CYTH3: variants seen among roughly 807,000 people sequenced by gnomAD.
CYTH3 encodes cytohesin-3.
In CYTH3, 23 loss-of-function variants were observed where a neutral mutation model predicts 55.1. The observed-to-expected ratio is 0.42, with a 90% CI of 0.30 to 0.59. The LOEUF (loss-of-function observed/expected upper bound fraction) is 0.59. Ranked by LOEUF, CYTH3 falls within the 20% of genes least tolerant of loss-of-function variation. CYTH3 has a pLI of 0.20. For missense variants in CYTH3, 413 were observed against 524.8 expected (o/e 0.79, Z 2.08); for synonymous variants, 249 against 194.9 (o/e 1.28, Z -2.31).
chr7:6,188,348 CAAAA>C (rs968809069), intron 2 of CYTH3, among the ~76,000 whole-genome samples: 4 of 140,828 alleles, frequency 2.8e-5, no homozygotes, highest in African/African-American at 1.1e-4. Context: ...TTAAAAAAAA[CAAAA>C]AAACAAAAAA....
At chr7:6,202,074 T>C (rs1006247874) in intron 1 of CYTH3, among the ~76,000 whole-genome samples, 1 of 152,228 alleles carries the variant, frequency 6.6e-6, no homozygotes, top group South Asian at 2.1e-4. Context: ...TATTTCCCAG[T>C]GTTTTCTCTG....
At position 6,171,561 on chromosome 7, in the gene CYTH3, G is replaced by A. The variant is rs755144021; in HGVS notation, c.450-247C>T. ...CTACAACCAATTCAGCAGCGAGGCC[G>A]GTTGTCTCTGCCTAAAAAGTAAATA... On this transcript the variant is annotated intron_variant, in intron 6 of 12. Coordinates refer to ENST00000350796, the MANE Select transcript of CYTH3 (RefSeq NM_004227.4). The surrounding 1 kb of genome is among the most constrained non-coding windows in gnomAD (Gnocchi z 6.7). Among the ~76,000 whole-genome samples, 13 of 152,130 alleles carry A rather than the reference G, an allele frequency of 8.5e-5. No homozygotes were observed. Among genetic ancestry groups the A allele is most frequent in the East Asian group, 1.9e-4 (1 of 5,190 alleles).
chr7:6,166,722 G>A (rs1002494510), intron 9 of CYTH3, among the ~76,000 whole-genome samples: 2 of 152,176 alleles, frequency 1.3e-5, no homozygotes, highest in East Asian at 1.9e-4. Flanking sequence ...CTGGCTCAGC[G>A]GAACTGGAGG....
intron 1 of CYTH3, among the ~76,000 whole-genome samples, chr7:6,271,540 G>T (rs1486102371): frequency 6.6e-6 from 1 of 151,736 alleles, no homozygotes; most frequent in African/African-American, 2.4e-5. Flanking sequence ...TAAAAACACG[G>T]GCATTAACCC....
intron 5 of CYTH3, among the ~76,000 whole-genome samples, chr7:6,174,617 G>A (rs1042775286): frequency 6.4e-5 from 8 of 125,832 alleles, no homozygotes; most frequent in Middle Eastern, 0.012. Flanking sequence ...GCACATTCTT[G>A]GCCCACTGCA....
chr7:6,254,421 T>C lies in CYTH3; in HGVS notation c.34+18053A>G, dbSNP rs59180903. ...TAGGAGAATGTCCTTAGAAGACGAG[T>C]GCTAAAGTATTTCTTTGAAAAGCGT... is the stretch of plus-strand genomic sequence containing the variant. On this transcript the variant is annotated intron_variant, in intron 1 of 12. Transcript: ENST00000350796. Among the ~76,000 whole-genome samples, 265 of 152,222 alleles carry C rather than the reference T, an allele frequency of 1.7e-3. 2 individuals carry two copies. The highest frequency in any genetic ancestry group is 6.1e-3 in the African/African-American group (253 of 41,524).
At chr7:6,168,149 C>T (rs1783064686) in intron 9 of CYTH3, among the ~76,000 whole-genome samples, 2 of 151,880 alleles carry the variant, frequency 1.3e-5, no homozygotes, top group Non-Finnish European at 2.9e-5. Flanking sequence ...CAGGCAGGCG[C>T]GTACGTGCAC....
chr7:6,182,406 T>G (rs1783527319), intron 4 of CYTH3, among the ~76,000 whole-genome samples: 2 of 152,310 alleles, frequency 1.3e-5, no homozygotes, highest in East Asian at 3.9e-4. Flanking sequence ...TAGAGTGCAG[T>G]GGTGTAATCA....
At chr7:6,231,741 T>C (rs1779395382) in intron 1 of CYTH3, among the ~76,000 whole-genome samples, 1 of 152,204 alleles carries the variant, frequency 6.6e-6, no homozygotes, top group Non-Finnish European at 1.5e-5. Context: ...ATCCTAGATA[T>C]TAACATGATT....
chr7:6,229,991 G>A (rs529289751), intron 1 of CYTH3, among the ~76,000 whole-genome samples: 11 of 152,030 alleles, frequency 7.2e-5, no homozygotes, highest in Middle Eastern at 3.4e-3. Flanking sequence ...AAAGTCAGCC[G>A]GGTGTGGTGG....
intron 1 of CYTH3, among the ~76,000 whole-genome samples, chr7:6,259,505 A>G (rs1780222391): frequency 6.6e-6 from 1 of 151,578 alleles, no homozygotes; most frequent in Admixed American, 6.6e-5. Flanking sequence ...CAATATTTAC[A>G]TAATAGTGAA....
intron 1 of CYTH3, among the ~76,000 whole-genome samples, chr7:6,225,713 CTT>C (rs985050697): frequency 1.3e-5 from 2 of 148,226 alleles, no homozygotes; most frequent in African/African-American, 5.0e-5. Flanking sequence ...GAGTTCCACT[CTT>C]GTCGCCCAGG....
intron 1 of CYTH3, among the ~76,000 whole-genome samples, chr7:6,255,607 C>A (rs1350904737): frequency 1.3e-5 from 2 of 152,038 alleles, no homozygotes. Context: ...GGGTCCAGCA[C>A]CTCATCAAGA....
rs1016217175 is a variant in CYTH3, at chr7:6,272,572, G to A, written c.-65C>T. 5.4e-5 allele frequency: 62 copies of A among 1,150,024 alleles called. No individual in the cohort carries two copies. The African/African-American group carries it at 9.5e-4, about 18-fold the overall frequency. The allele number at this position is 1,150,024 out of a possible 1,614,324, so 71.2% of individuals were successfully genotyped here. A position where few individuals can be genotyped will look rare whatever the true frequency, so the allele number is the denominator to read the frequency against. The stretch of plus-strand genomic sequence containing the variant: ...AGCAGAGGGGCCGCGGGCTGGGGAC[G>A]CCGCCGGAGGGAGCGCGCAGGCGAC... On this transcript the variant is annotated 5_prime_UTR_variant, in exon 1 of 13. Transcript: ENST00000350796.
chr7:6,176,134 T>C (rs2128539651), intron 5 of CYTH3, among the ~76,000 whole-genome samples: 1 of 152,198 alleles, frequency 6.6e-6, no homozygotes, highest in Non-Finnish European at 1.5e-5. Context: ...GGAGTAAAAA[T>C]GTTGCTTTTT....
chr7:6,190,068 AC>A (rs992281527), intron 2 of CYTH3, among the ~76,000 whole-genome samples: 2 of 152,238 alleles, frequency 1.3e-5, no homozygotes, highest in African/African-American at 4.8e-5. Flanking sequence ...AAACAAAAAA[AC>A]ATATTAGTTA....
At chr7:6,271,999 T>C (rs1780672822) in intron 1 of CYTH3, among the ~76,000 whole-genome samples, 1 of 152,176 alleles carries the variant, frequency 6.6e-6, no homozygotes, top group African/African-American at 2.4e-5. Flanking sequence ...TCCCGTCCTG[T>C]ACACTCGAGG....
Position 6,177,884 on chromosome 7 carries a change from G to T in CYTH3, c.307C>A (p.Gln103Lys), listed in dbSNP as rs1279208163. 1 of 1,614,164 alleles carries T rather than the reference G, an allele frequency of 6.2e-7. No homozygotes were observed. The highest frequency in any genetic ancestry group is 8.5e-7 in the Non-Finnish European group (1 of 1,180,000). The change falls in exon 5 of 13, where the codon CAG becomes AAG. Residue 103 changes from glutamine to lysine, a missense_variant. This residue lies in a region of CYTH3 where 152 missense variants were observed against 148.1 expected (regional missense o/e 1.03). Transcript: ENST00000350796. ...AGGCCTTCTCCTTTATAAAGGAACT[G>T]GGCGACGTCTTCTGGGGAACTCTGT... is the stretch of plus-strand genomic sequence containing the variant. Reference protein sequence around the residue: ...LLQSSPEDVAQFLYKGEGLNK... With the variant: ...LLQSSPEDVAKFLYKGEGLNK...
intron 1 of CYTH3, among the ~76,000 whole-genome samples, chr7:6,230,896 C>G (rs545048946): frequency 6.6e-6 from 1 of 152,048 alleles, no homozygotes; most frequent in Non-Finnish European, 1.5e-5. Flanking sequence ...TTTTTAAGAG[C>G]CTGTACTTAC....
Sources: allele counts gnomAD v4.1 joint callset (sites outside exome capture counted in the v4.1 genomes callset), GRCh38; gene constraint gnomAD v4.1.1; regional missense constraint gnomAD v4.1.1; non-coding constraint Gnocchi (gnomAD v3.1); transcripts MANE v1.5; gene names NCBI Gene and HGNC (gene_info 2026-07-23, HGNC 2026-07-21).